ARHGAP22: variants seen among roughly 807,000 people sequenced by gnomAD.
ARHGAP22 encodes Rho GTPase activating protein 22.
ARHGAP22 carries 48 observed loss-of-function variants against 59.1 expected under a neutral mutation model. That is an observed-to-expected ratio of 0.81 (90% CI 0.64 to 1.03). The LOEUF (loss-of-function observed/expected upper bound fraction) is 1.03, where lower values mean the gene tolerates loss of function less well. Ranked by LOEUF, ARHGAP22 falls within the 50% of genes least tolerant of loss-of-function variation. ARHGAP22 has a pLI of 0.00. For missense variants in ARHGAP22, 1,015 were observed against 958.7 expected, an observed-to-expected ratio of 1.06 and a Z score of -0.78; for synonymous variants, 445 against 416.4, an observed-to-expected ratio of 1.07 and a Z score of -0.84.
intron 1 of ARHGAP22, among the ~76,000 whole-genome samples, chr10:48,598,797 GC>G (rs2060219458): frequency 6.6e-6 from 1 of 152,164 alleles, no homozygotes. Flanking sequence ...CACACCGCTT[GC>G]CCCAGGTTGC....
intron 1 of ARHGAP22, among the ~76,000 whole-genome samples, chr10:48,599,370 G>A (rs1390105974): frequency 6.6e-6 from 1 of 152,242 alleles, no homozygotes; most frequent in East Asian, 1.9e-4. Flanking sequence ...CATGTGCTGT[G>A]CTTGCTTGAC....
intron 4 of ARHGAP22, among the ~76,000 whole-genome samples, chr10:48,464,013 G>T (rs2047406193): frequency 6.6e-6 from 1 of 152,154 alleles, no homozygotes; most frequent in Non-Finnish European, 1.5e-5. Flanking sequence ...CCATCTCTTG[G>T]CTCCAGCCCG....
chr10:48,447,070 C>T (rs959563528), intron 9 of ARHGAP22, among the ~76,000 whole-genome samples: 7 of 152,204 alleles, frequency 4.6e-5, no homozygotes, highest in African/African-American at 1.7e-4. Flanking sequence ...ACGTGGTGAC[C>T]CACAGAAGAT....
chr10:48,456,413 C>A (rs2046514336), intron 5 of ARHGAP22, among the ~76,000 whole-genome samples: 1 of 152,160 alleles, frequency 6.6e-6, no homozygotes, highest in Non-Finnish European at 1.5e-5. Context: ...CAGCCCCCAT[C>A]CCACCCTCCT....
chr10:48,583,088 G>A lies in ARHGAP22; in HGVS notation c.99C>T (p.His33=). Reference sequence around the variant, plus strand: ...CCGCCTTCAGCACGGGGCCCAGCCTGTGAGGGCACGGCATCCGCCCAGGGC... The same window carrying A: ...CCGCCTTCAGCACGGGGCCCAGCCTATGAGGGCACGGCATCCGCCCAGGGC... ...SRSPGRMPCP[H]RLGPVLKAGW... The change falls in exon 2 of 10, where the codon CAC becomes CAT. Residue 33 remains histidine (H), a synonymous_variant. Transcript: ENST00000249601. The A allele has an allele frequency of 1.2e-6, 2 of 1,614,282 alleles. No homozygotes were observed. The highest frequency in any genetic ancestry group is 2.2e-5 in the East Asian group (1 of 44,892).
At chr10:48,630,518 T>A (rs959675308) in intron 1 of ARHGAP22, among the ~76,000 whole-genome samples, 5 of 152,248 alleles carry the variant, frequency 3.3e-5, no homozygotes, top group Admixed American at 3.3e-4. Context: ...ATTATGTACA[T>A]ATTCTGTTAG....
chr10:48,491,807 A>G (rs1375156839), intron 3 of ARHGAP22, among the ~76,000 whole-genome samples: 2 of 152,264 alleles, frequency 1.3e-5, no homozygotes, highest in African/African-American at 4.8e-5. Context: ...AACTGAGCCC[A>G]GAAATGTTTA....
At chr10:48,548,614 T>C (rs1338300830) in intron 3 of ARHGAP22, among the ~76,000 whole-genome samples, 1 of 152,092 alleles carries the variant, frequency 6.6e-6, no homozygotes, top group East Asian at 1.9e-4. Flanking sequence ...AAAGCAGGCC[T>C]CTCCACTCCC....
chr10:48,450,574 C>T lies in ARHGAP22; in HGVS notation c.1555G>A (p.Glu519Lys), dbSNP rs2045823713. 1 of 1,536,656 alleles carries T rather than the reference C, an allele frequency of 6.5e-7. No homozygotes were observed. The highest frequency in any genetic ancestry group is 2.0e-5 in the Admixed American group (1 of 49,956). The change falls in exon 9 of 10, where the codon GAG (glutamate) becomes AAG (lysine). Residue 519 changes from glutamate to lysine, a missense_variant. By Grantham distance (56) the Glu-to-Lys change is moderately conservative (BLOSUM62 1). Transcript: ENST00000249601. ...CTGAGTGAGCCCCCCACCGACGACT[C>T]GCTGGACGAGGCCCCGGACCACGCC... ...SMAWSGASSS[E>K]SSVGGSLSSC...
intron 1 of ARHGAP22, among the ~76,000 whole-genome samples, chr10:48,621,063 G>A (rs1054569656): frequency 6.6e-6 from 1 of 152,356 alleles, no homozygotes; most frequent in South Asian, 2.1e-4. Flanking sequence ...ACTGATGACT[G>A]CTCTTTCCAG....
At chr10:48,620,871 C>A (rs1372715975) in intron 1 of ARHGAP22, among the ~76,000 whole-genome samples, 1 of 152,258 alleles carries the variant, frequency 6.6e-6, no homozygotes, top group Non-Finnish European at 1.5e-5. Context: ...CACCAGTGCA[C>A]TGGGACTTGA....
chr10:48,501,712 A>G (rs2051535896), intron 3 of ARHGAP22, among the ~76,000 whole-genome samples: 1 of 151,694 alleles, frequency 6.6e-6, no homozygotes, highest in Admixed American at 6.5e-5. Flanking sequence ...ATCAAATTAA[A>G]TAATGTATTG....
In ARHGAP22 at chr10:48,450,428, G is replaced by T; in HGVS notation, c.1701C>A (p.Asp567Glu). 1 of 1,564,500 alleles carries T rather than the reference G, an allele frequency of 6.4e-7. No homozygotes were observed. Among genetic ancestry groups the T allele is most frequent in the Non-Finnish European group, 8.7e-7 (1 of 1,155,380 alleles). Residue 567 changes from aspartate (D) to glutamate (E), a missense_variant, in exon 9 of 10, where the codon GAC becomes GAA. Asp to Glu is a conservative substitution (Grantham distance 45, BLOSUM62 2). Transcript: ENST00000249601. ...CCGCGCCCGCCTCGTCCATGCTGTG[G>T]TCCAGGTCCAGGGACTTGGGGTCCT... ...SSEDPKSLDL[D>E]HSMDEAGAGA...
At chr10:48,602,204 A>G (rs985284687) in intron 1 of ARHGAP22, among the ~76,000 whole-genome samples, 2 of 152,162 alleles carry the variant, frequency 1.3e-5, no homozygotes, top group Non-Finnish European at 2.9e-5. Flanking sequence ...GTACTTCATC[A>G]TATTAATAGA....
intron 1 of ARHGAP22, among the ~76,000 whole-genome samples, chr10:48,644,803 C>T (rs186215847): frequency 2.7e-4 from 41 of 151,870 alleles, no homozygotes; most frequent in Non-Finnish European, 5.2e-4. Context: ...GCTTTAAATG[C>T]GTATATCAGA....
chr10:48,487,210 C>T (rs1017700337), intron 3 of ARHGAP22, among the ~76,000 whole-genome samples: 2 of 152,082 alleles, frequency 1.3e-5, no homozygotes, highest in African/African-American at 2.4e-5. Flanking sequence ...TCCTGCAGCT[C>T]GCTGATGCTC....
intron 1 of ARHGAP22, among the ~76,000 whole-genome samples, chr10:48,603,752 C>T (rs1439872729): frequency 6.6e-6 from 1 of 152,210 alleles, no homozygotes; most frequent in Non-Finnish European, 1.5e-5. Flanking sequence ...GGGGTCCTGA[C>T]GTCTGTGGAA....
At chr10:48,535,477 G>A (rs1431980656) in intron 3 of ARHGAP22, among the ~76,000 whole-genome samples, 1 of 152,216 alleles carries the variant, frequency 6.6e-6, no homozygotes, top group East Asian at 1.9e-4. Context: ...TTAGGAGCTG[G>A]TGCTGACAGC....
At chr10:48,610,276 G>A (rs939595816) in intron 1 of ARHGAP22, among the ~76,000 whole-genome samples, 2 of 152,292 alleles carry the variant, frequency 1.3e-5, no homozygotes, top group Non-Finnish European at 2.9e-5. Flanking sequence ...TTGGGATCCT[G>A]AACAGAAGGA....
Sources: gnomAD v4.1 joint callset for allele counts (sites outside exome capture counted in the v4.1 genomes callset) on GRCh38, gnomAD v4.1.1 for gene constraint, MANE v1.5 for transcripts, NCBI Gene and HGNC (gene_info 2026-07-23, HGNC 2026-07-21) for gene names.